Variants in HDAC8 observed in about 807,000 individuals in gnomAD.
HDAC8 encodes histone deacetylase-like 1.
A neutral mutation model predicts 32.2 loss-of-function variants in HDAC8; 1 was observed. That is an observed-to-expected ratio of 0.03 (90% CI 0.01 to 0.15). The LOEUF (loss-of-function observed/expected upper bound fraction) is 0.15, where lower values mean the gene tolerates loss of function less well. Ranked by LOEUF, HDAC8 falls within the 10% of genes least tolerant of loss-of-function variation. HDAC8 has a pLI of 1.00. For synonymous variants in HDAC8, 108 were observed against 113.9 expected (o/e 0.95, Z 0.33); for missense variants, 117 against 300.0 (o/e 0.39, Z 4.51).
intron 9 of HDAC8, among the ~76,000 whole-genome samples, chrX:72,396,858 A>G (rs1338952418): frequency 1.8e-5 from 2 of 111,790 alleles, no homozygotes; most frequent in Non-Finnish European, 1.9e-5. Context: ...AACAAAAACA[A>G]CAACAACAAT....
chrX:72,359,494 C>A (rs1240104354), intron 9 of HDAC8, among the ~76,000 whole-genome samples: 1 of 110,497 alleles, frequency 9.1e-6, no homozygotes, highest in African/African-American at 3.3e-5. Context: ...GAATGCAGGA[C>A]AAGTTTGGGG....
At position 72,462,037 on chromosome X, in the gene HDAC8, C is replaced by T. The variant is rs782221188; in HGVS notation, c.972G>A (p.Gly324=). 4.1e-6 allele frequency: 5 copies of T among 1,207,308 alleles called. No homozygotes were observed. Among genetic ancestry groups the T allele is most frequent in the Non-Finnish European group, 2.2e-6 (2 of 893,422 alleles). Residue 324 remains glycine (G), a synonymous_variant, in exon 9 of 11, where the codon GGG becomes GGA. Transcript: ENST00000373573. The part of the protein sequence containing the change: ...CWTYLTGVIL[G]KTLSSEIPDH... ...CTGGGATCTCAGAGGATAGTGTTTTCCCTAGGATGACCCCGGTCAAGTATG... is the reference window on the plus strand; with the variant it reads ...CTGGGATCTCAGAGGATAGTGTTTTTCCTAGGATGACCCCGGTCAAGTATG...
chrX:72,569,714 A>G (rs2051942859), intron 2 of HDAC8, among the ~76,000 whole-genome samples: 1 of 111,569 alleles, frequency 9.0e-6, no homozygotes. Flanking sequence ...AGGCCTTACC[A>G]CATCTAACCT....
chrX:72,560,909 T>A (rs2051537087), intron 4 of HDAC8, among the ~76,000 whole-genome samples: 1 of 111,087 alleles, frequency 9.0e-6, no homozygotes, highest in Non-Finnish European at 1.9e-5. Flanking sequence ...TTTTTCATGA[T>A]GTATTATCTT....
At chrX:72,441,219 G>A (rs1456795827) in intron 9 of HDAC8, among the ~76,000 whole-genome samples, 5 of 112,885 alleles carry the variant, frequency 4.4e-5, no homozygotes, top group African/African-American at 1.6e-4. Context: ...TCTGAGAACA[G>A]GCAGACTGCC....
In HDAC8 at chrX:72,329,811, T is replaced by A. The variant is rs1475836237; in HGVS notation, c.*243A>T. The A allele has an allele frequency of 7.6e-6, 8 of 1,058,412 alleles. No homozygotes were observed. The highest frequency in any genetic ancestry group is 1.0e-5 in the Non-Finnish European group (8 of 780,592). The allele number at this position is 1,058,412 out of a possible 1,213,427, so 87.2% of individuals were successfully genotyped here. A position where few individuals can be genotyped will look rare whatever the true frequency, so the allele number is the denominator to read the frequency against. On this transcript the variant is annotated 3_prime_UTR_variant, in exon 11 of 11. Transcript: ENST00000373573. ...TTTCATTTGTGTGTGTGTGTTTTTT[T>A]AAATAAGAACTTTAAATGTGGGATA... is the stretch of plus-strand genomic sequence containing the variant.
intron 9 of HDAC8, among the ~76,000 whole-genome samples, chrX:72,352,581 C>T (rs1186262385): frequency 2.7e-5 from 3 of 111,885 alleles, no homozygotes; most frequent in African/African-American, 9.8e-5. Context: ...TTCCTTGGTC[C>T]CCACAGACCA....
At chrX:72,520,030 A>AT (rs1345911577) in intron 4 of HDAC8, among the ~76,000 whole-genome samples, 1 of 111,611 alleles carries the variant, frequency 9.0e-6, no homozygotes, top group Non-Finnish European at 1.9e-5. Flanking sequence ...ATTTGCAAAC[A>AT]TTTTTTCCTA....
intron 4 of HDAC8, among the ~76,000 whole-genome samples, chrX:72,559,943 T>A (rs2051472054): frequency 1.0e-5 from 1 of 95,558 alleles, no homozygotes; most frequent in African/African-American, 4.0e-5. Context: ...AGGAGGGAGG[T>A]GGAGGGCAGC....
chrX:72,379,620 C>T (rs1036275420), intron 9 of HDAC8, among the ~76,000 whole-genome samples: 1 of 107,083 alleles, frequency 9.3e-6, no homozygotes, highest in Non-Finnish European at 1.9e-5. Flanking sequence ...GCCTCAGCCT[C>T]CCAAGTAGCT....
At chrX:72,362,823 C>T (rs1386469608) in intron 9 of HDAC8, among the ~76,000 whole-genome samples, 2 of 111,749 alleles carry the variant, frequency 1.8e-5, no homozygotes, top group Non-Finnish European at 3.8e-5. Flanking sequence ...TACCCTGTAT[C>T]CCAAAACCCT....
rs140615346 is a variant in HDAC8 at position 72,382,920 on chromosome X, G to A, written c.1006-31082C>T. ...TATCTTGCTAAAGCTGTTTAAAAGCGATTGAGTTATTAGATGATTTTTCCC... is the reference window on the plus strand; with the variant it reads ...TATCTTGCTAAAGCTGTTTAAAAGCAATTGAGTTATTAGATGATTTTTCCC... On this transcript the variant is annotated intron_variant, in intron 9 of 10. Coordinates refer to ENST00000373573, the MANE Select transcript of HDAC8 (RefSeq NM_018486.3). 2.7e-5 allele frequency among the ~76,000 whole-genome samples: 3 copies of A among 112,089 alleles called. No individual in the cohort carries two copies. The East Asian group carries it at 8.4e-4, about 31-fold the overall frequency.
chrX:72,339,621 T>G (rs1238452295), intron 10 of HDAC8, among the ~76,000 whole-genome samples: 5 of 111,328 alleles, frequency 4.5e-5, no homozygotes, highest in African/African-American at 1.6e-4. Flanking sequence ...GCTGGAGAGG[T>G]GGCCAGAGGC....
At chrX:72,546,700 C>T (rs73500320) in intron 4 of HDAC8, among the ~76,000 whole-genome samples, 147 of 111,164 alleles carry the variant, frequency 1.3e-3, no homozygotes, top group African/African-American at 4.5e-3. Context: ...TCAAAGAGGT[C>T]TGTGAACAAG....
rs782588071 is a variant in HDAC8 at position 72,473,607 on chromosome X, T to C, written c.738-8876A>G. ...CACAGCTATTAAGTGGCAGAGCTGG[T>C]TTTTGAACCCAGGCATCCAGGCACC... On this transcript the variant is annotated intron_variant, in intron 7 of 10. Coordinates refer to ENST00000373573, the MANE Select transcript of HDAC8 (RefSeq NM_018486.3). 89 of 663,788 alleles carry C rather than the reference T, an allele frequency of 1.3e-4. No homozygotes were observed. In the African/African-American group the frequency reaches 2.0e-3, roughly 15 times the overall value. 54.7% of individuals were successfully genotyped at this position (663,788 alleles called of 1,213,427 possible). A position where few individuals can be genotyped will look rare whatever the true frequency, so the allele number is the denominator to read the frequency against.
intron 4 of HDAC8, among the ~76,000 whole-genome samples, chrX:72,526,170 T>G (rs2050146998): frequency 9.0e-6 from 1 of 111,522 alleles, no homozygotes. Context: ...TAGTTTCATT[T>G]CTTGTATTTT....
chrX:72,419,580 T>A (rs1206971069), intron 9 of HDAC8, among the ~76,000 whole-genome samples: 1 of 111,604 alleles, frequency 9.0e-6, no homozygotes, highest in Non-Finnish European at 1.9e-5. Flanking sequence ...ACTTCTTCCT[T>A]TCTAATTTGG....
At chrX:72,425,594 T>C (rs1252781089) in intron 9 of HDAC8, among the ~76,000 whole-genome samples, 1 of 112,283 alleles carries the variant, frequency 8.9e-6, no homozygotes, top group Non-Finnish European at 1.9e-5. Flanking sequence ...TGATTTTCCA[T>C]CTAGTTTTTC....
At chrX:72,394,713 C>T (rs1354191313) in intron 9 of HDAC8, among the ~76,000 whole-genome samples, 5 of 112,028 alleles carry the variant, frequency 4.5e-5, no homozygotes, top group African/African-American at 1.6e-4. Context: ...CTGCCTGGAA[C>T]GAAGATTAAG....
Sources: gnomAD v4.1 joint callset for allele counts (sites outside exome capture counted in the v4.1 genomes callset) on GRCh38, gnomAD v4.1.1 for gene constraint, MANE v1.5 for transcripts, NCBI Gene and HGNC (gene_info 2026-07-23, HGNC 2026-07-21) for gene names.